ENKUR: variants seen among roughly 807,000 people sequenced by gnomAD.
ENKUR encodes enkurin.
Under a neutral mutation model 27.6 loss-of-function variants are expected in ENKUR, and 19 were observed. That is an observed-to-expected ratio of 0.69 (90% CI 0.48 to 1.01). The LOEUF (loss-of-function observed/expected upper bound fraction) is 1.01. Ranked by LOEUF, ENKUR falls within the 50% of genes least tolerant of loss-of-function variation. The probability of loss-of-function intolerance (pLI) is 0.00; values close to 1 mark genes in which losing one functional copy is unlikely to be tolerated. For synonymous variants in ENKUR, 117 were observed against 96.9 expected, an observed-to-expected ratio of 1.21 and a Z score of -1.22; for missense variants, 312 against 310.5, an observed-to-expected ratio of 1.00 and a Z score of -0.04.
chr10:24,994,461 G>A (rs1203921709), intron 3 of ENKUR, among the ~76,000 whole-genome samples: 1 of 151,506 alleles, frequency 6.6e-6, no homozygotes, highest in African/African-American at 2.4e-5. Flanking sequence ...AGCCACCCGA[G>A]TAGCTGGGAT....
chr10:25,034,261 T>G (rs978957109), intron 2 of ENKUR, among the ~76,000 whole-genome samples: 1 of 152,176 alleles, frequency 6.6e-6, no homozygotes, highest in Non-Finnish European at 1.5e-5. Flanking sequence ...TTCCTACCAC[T>G]GCACTATGTG....
intron 2 of ENKUR, among the ~76,000 whole-genome samples, chr10:25,051,677 A>G (rs1403903823): frequency 6.6e-6 from 1 of 152,258 alleles, no homozygotes; most frequent in African/African-American, 2.4e-5. Flanking sequence ...ATTACCTCTC[A>G]CAAGGCTCCG....
chr10:24,988,284 A>G (rs1197417555), intron 4 of ENKUR, among the ~76,000 whole-genome samples: 1 of 145,118 alleles, frequency 6.9e-6, no homozygotes, highest in African/African-American at 2.5e-5. Context: ...ATGTGTATAT[A>G]TATTTATATA....
At chr10:24,999,696 G>C (rs1850145699) in intron 1 of ENKUR, 150 bp from the exon 2 acceptor site, 3 of 747,600 alleles carry the variant, frequency 4.0e-6, no homozygotes, top group Non-Finnish European at 6.3e-6. Context: ...CCTGAGCCCT[G>C]TCCATCAGAC....
chr10:25,023,377 CTT>C (rs1564349248), intron 2 of ENKUR: 7 of 1,614,140 alleles, frequency 4.3e-6, no homozygotes, highest in African/African-American at 1.3e-5. Flanking sequence ...AACCCACTCT[CTT>C]GTTGGAGACA....
chr10:25,025,077 G>A (rs771328451), intron 2 of ENKUR: 1 of 1,614,196 alleles, frequency 6.2e-7, no homozygotes, highest in Non-Finnish European at 8.5e-7. Flanking sequence ...TAGCTGACTG[G>A]TGCTCTGAGG....
At position 25,024,219 on chromosome 10, in the gene ENKUR, C is replaced by CAAA. The variant is rs1483901473; in HGVS notation, c.38-28351_38-28350insTTT. ...GCTCAAAAATTGCTCCTGTCAGGCA[C>CAAA]CTTTCAGGCAACCAGTTCATCCTGG... On this transcript the variant is annotated intron_variant, in intron 2 of 5. Transcript: ENST00000615958. The CAAA allele has an allele frequency of 2.5e-6, 4 of 1,614,170 alleles. No individual in the cohort carries two copies. The African/African-American group carries it at 5.3e-5, about 22-fold the overall frequency.
At chr10:25,042,094 T>G (rs538701843) in intron 2 of ENKUR, among the ~76,000 whole-genome samples, 2 of 152,234 alleles carry the variant, frequency 1.3e-5, no homozygotes, top group African/African-American at 4.8e-5. Context: ...GAGAAAGCCC[T>G]GGTTATTAGG....
chr10:25,015,380 A>C (rs189912543), intron 1 of ENKUR, among the ~76,000 whole-genome samples: 1 of 152,332 alleles, frequency 6.6e-6, no homozygotes, highest in Admixed American at 6.5e-5. Flanking sequence ...CCTGAGGCTC[A>C]AAAGCAAATG....
chr10:25,046,317 C>A (rs1851121692), intron 2 of ENKUR, among the ~76,000 whole-genome samples: 1 of 152,212 alleles, frequency 6.6e-6, no homozygotes, highest in Non-Finnish European at 1.5e-5. Flanking sequence ...AAAAAGTTCA[C>A]AACCAGTAGT....
intron 2 of ENKUR, among the ~76,000 whole-genome samples, chr10:25,029,942 C>T (rs1402486138): frequency 6.6e-6 from 1 of 152,224 alleles, no homozygotes; most frequent in African/African-American, 2.4e-5. Flanking sequence ...GCTGTAGTCA[C>T]ATTAGCTGCT....
In ENKUR at chr10:24,990,595, T is replaced by C. The variant is rs1216926651; in HGVS notation, c.462A>G (p.Thr154=). The part of the protein sequence containing the change: ...KYINKKDYGV[T]PEYICKRNEE... ...CGTTTCGCTTACATATGTATTCAGGTGTGACACCATAATCCTAAAAAGATT... is the reference window on the plus strand; with the variant it reads ...CGTTTCGCTTACATATGTATTCAGGCGTGACACCATAATCCTAAAAAGATT... Residue 154 remains threonine, a synonymous_variant, in exon 4 of 6, where the codon ACA becomes ACG. Coordinates refer to ENST00000331161, the MANE Select transcript of ENKUR (RefSeq NM_145010.4). 2 of 1,599,700 alleles carry C rather than the reference T, an allele frequency of 1.3e-6. No individual in the cohort carries two copies. The highest frequency in any genetic ancestry group is 2.2e-5 in the East Asian group (1 of 44,816).
chr10:25,027,492 T>C lies in ENKUR; in HGVS notation c.38-31623A>G, dbSNP rs558291883. The stretch of plus-strand genomic sequence containing the variant: ...ATGCAGGTTGCGGTTGAGCAGAGAT[T>C]GCGCCGTTGCACTCCAGCCTGGGCA... On this transcript the variant is annotated intron_variant, in intron 2 of 5. Transcript: ENST00000615958. Among the ~76,000 whole-genome samples the C allele has an allele frequency of 2.0e-5, 3 of 146,566 alleles. No homozygotes were observed. The South Asian group carries it at 6.5e-4, about 32-fold the overall frequency.
At chr10:24,992,789 T>A (rs1849954161) in intron 3 of ENKUR, among the ~76,000 whole-genome samples, 1 of 152,162 alleles carries the variant, frequency 6.6e-6, no homozygotes, top group Admixed American at 6.5e-5. Context: ...ATCCTAGATA[T>A]AAATGTGTTC....
At chr10:25,009,445 AT>A (rs1850389094) in intron 1 of ENKUR, among the ~76,000 whole-genome samples, 1 of 152,224 alleles carries the variant, frequency 6.6e-6, no homozygotes, top group Non-Finnish European at 1.5e-5. Context: ...TTAGGGAAAT[AT>A]TTTAGACATA....
At chr10:24,985,740 T>C (rs1029532099) in intron 4 of ENKUR, among the ~76,000 whole-genome samples, 1 of 152,252 alleles carries the variant, frequency 6.6e-6, no homozygotes, top group African/African-American at 2.4e-5. Flanking sequence ...CAATGAAATT[T>C]TATAAGTCAA....
intron 1 of ENKUR, among the ~76,000 whole-genome samples, chr10:25,003,252 G>C (rs1850236386): frequency 6.6e-6 from 1 of 151,918 alleles, no homozygotes; most frequent in South Asian, 2.1e-4. Flanking sequence ...TGTTGCCCAG[G>C]CTGGAGTGCA....
intron 2 of ENKUR, among the ~76,000 whole-genome samples, chr10:24,996,832 A>G (rs1850070832): frequency 6.6e-6 from 1 of 152,184 alleles, no homozygotes; most frequent in Admixed American, 6.5e-5. Context: ...TAGAATTCAT[A>G]TGTTGAAGCC....
intron 2 of ENKUR, among the ~76,000 whole-genome samples, chr10:25,050,384 C>T (rs1017803494): frequency 6.6e-6 from 1 of 152,164 alleles, no homozygotes; most frequent in African/African-American, 2.4e-5. Context: ...TTCCACATGG[C>T]TAGGGAGGCC....
Sources: allele counts gnomAD v4.1 joint callset (sites outside exome capture counted in the v4.1 genomes callset), GRCh38; gene constraint gnomAD v4.1.1; transcripts MANE v1.5; gene names NCBI Gene and HGNC (gene_info 2026-07-23, HGNC 2026-07-21).